The following PSTPIP1 variants were observed in gnomAD, a reference collection of about 807,000 sequenced individuals.
PSTPIP1 encodes proline-serine-threonine phosphatase interacting protein 1.
Under a neutral mutation model 69.6 loss-of-function variants are expected in PSTPIP1, and 66 were observed. The observed-to-expected ratio is 0.95, with a 90% CI of 0.78 to 1.16. The LOEUF (loss-of-function observed/expected upper bound fraction) is 1.16. Ranked by LOEUF, PSTPIP1 falls within the 50% of genes most tolerant of loss-of-function variation. PSTPIP1 has a pLI of 0.00. For synonymous variants in PSTPIP1, 266 were observed against 222.7 expected (o/e 1.19, Z -1.73); for missense variants, 603 against 557.4 (o/e 1.08, Z -0.82).
intron 3 of PSTPIP1, 73 bp from the exon 4 acceptor site, chr15:77,025,211 G>T (rs889761533): frequency 6.6e-7 from 1 of 1,509,228 alleles, no homozygotes; most frequent in East Asian, 2.3e-5. Context: ...TGCCCACCCC[G>T]CCGGGAGGCA....
chr15:77,014,930 C>T (rs72742446), intron 1 of PSTPIP1, among the ~76,000 whole-genome samples: 1,953 of 152,328 alleles, frequency 0.013, 26 homozygotes, highest in Non-Finnish European at 0.022. Context: ...AGGGCTGGGT[C>T]CCACATCTGG....
intron 10 of PSTPIP1, 73 bp downstream of exon 10, chr15:77,031,351 A>G: frequency 6.7e-7 from 1 of 1,498,134 alleles, no homozygotes; most frequent in Non-Finnish European, 9.3e-7. Flanking sequence ...GGTCCATCTG[A>G]GCCGGTCAAC....
intron 14 of PSTPIP1, among the ~76,000 whole-genome samples, chr15:77,036,515 C>T (rs2076577225): frequency 6.6e-6 from 1 of 152,140 alleles, no homozygotes; most frequent in South Asian, 2.1e-4. Context: ...CTGCTCCCTG[C>T]TTGAGGGGAA....
intron 14 of PSTPIP1, among the ~76,000 whole-genome samples, chr15:77,036,654 T>G (rs1393381076): frequency 6.7e-6 from 1 of 149,414 alleles, no homozygotes; most frequent in Non-Finnish European, 1.5e-5. Context: ...GCCAGGAGAG[T>G]GATGGGGTAC....
Position 77,037,321 on chromosome 15 carries a change from C to T in PSTPIP1, c.*145C>T, listed in dbSNP as rs965236443. The T allele has an allele frequency of 3.6e-4, 392 of 1,089,178 alleles. 1 individual carries two copies. The highest frequency in any genetic ancestry group is 6.3e-4 in the Middle Eastern group (2 of 3,172). 67.5% of individuals were successfully genotyped at this position (1,089,178 alleles called of 1,614,324 possible). ...TCGTCTCCCAGGGAATAAAGGAGTG[C>T]GTTCTGTTCTCCTTGGTGTGCTGGG... On this transcript the variant is annotated 3_prime_UTR_variant, in exon 15 of 15. Coordinates refer to ENST00000558012, the MANE Select transcript of PSTPIP1 (RefSeq NM_003978.5).
Position 77,027,313 on chromosome 15 carries a change from G to GT in PSTPIP1, c.355-539_355-538insT, listed in dbSNP as rs1478447489. Among the ~76,000 whole-genome samples the GT allele has an allele frequency of 6.6e-6, 1 of 152,174 alleles. No individual in the cohort carries two copies. The highest frequency in any genetic ancestry group is 2.4e-5 in the African/African-American group (1 of 41,436). On this transcript the variant is annotated intron_variant, in intron 5 of 14. Coordinates refer to ENST00000558012, the MANE Select transcript of PSTPIP1 (RefSeq NM_003978.5). The surrounding 1 kb of genome is among the most constrained non-coding windows in gnomAD (Gnocchi z 4.3). ...GGCTTTGGCCCCAGACCTCGGCACA[G>GT]GGGCCCAGTGGCCACTGTGCCTGCA...
intron 1 of PSTPIP1, among the ~76,000 whole-genome samples, chr15:77,005,514 A>T (rs2075797921): frequency 1.3e-5 from 2 of 152,248 alleles, no homozygotes; most frequent in South Asian, 4.1e-4. Flanking sequence ...GGTGGTAATT[A>T]TATGTAACAT....
At chr15:77,017,526 C>A (rs746771536) in intron 1 of PSTPIP1, among the ~76,000 whole-genome samples, 1 of 152,152 alleles carries the variant, frequency 6.6e-6, no homozygotes, top group African/African-American at 2.4e-5. Flanking sequence ...CCTGGATCTC[C>A]GTGAGGGGGG....
chr15:76,999,835 C>T (rs2075659977), intron 1 of PSTPIP1, among the ~76,000 whole-genome samples: 1 of 152,204 alleles, frequency 6.6e-6, no homozygotes, highest in Admixed American at 6.5e-5. Flanking sequence ...ACCTGTATGT[C>T]TATCCAATGG....
intron 3 of PSTPIP1, among the ~76,000 whole-genome samples, chr15:77,024,712 G>A (rs984009947): frequency 2.1e-5 from 3 of 145,534 alleles, no homozygotes; most frequent in Middle Eastern, 3.5e-3. Flanking sequence ...CCTCCTATGC[G>A]CAGTGCTGGG....
At chr15:77,020,466 T>C (rs938253706) in intron 3 of PSTPIP1, among the ~76,000 whole-genome samples, 3 of 152,178 alleles carry the variant, frequency 2.0e-5, no homozygotes, top group East Asian at 3.9e-4. Flanking sequence ...TTGACCCATG[T>C]GGCATGAAGT....
rs757123504 is a variant in PSTPIP1, at chr15:77,035,874, T to C, written c.1058T>C (p.Ile353Thr). The C allele has an allele frequency of 8.1e-6, 13 of 1,610,458 alleles. No homozygotes were observed. Among genetic ancestry groups the C allele is most frequent in the South Asian group, 6.6e-5 (6 of 91,016 alleles). ...GVYTAIAVQE[I>T]QGNPASPAQE... ...TACACAGCCATCGCAGTGCAGGAGA[T>C]ACAGGGAAACCCGGCCTCACCAGCC... The change falls in exon 14 of 15, where the codon ATA becomes ACA. Residue 353 changes from isoleucine (I) to threonine (T), a missense_variant. Coordinates refer to ENST00000558012, the MANE Select transcript of PSTPIP1 (RefSeq NM_003978.5).
At chr15:77,015,641 T>G (rs2076033331) in intron 1 of PSTPIP1, among the ~76,000 whole-genome samples, 1 of 152,102 alleles carries the variant, frequency 6.6e-6, no homozygotes, top group South Asian at 2.1e-4. Context: ...GGATGATTGG[T>G]TCATTCATTT....
In PSTPIP1 at chr15:76,995,344, C is replaced by T. The variant is rs1451190579; in HGVS notation, c.-230C>T. 7.0e-7 allele frequency: 1 copy of T among 1,423,382 alleles called. No individual in the cohort carries two copies. Among genetic ancestry groups the T allele is most frequent in the African/African-American group, 1.4e-5 (1 of 69,346 alleles). The allele number at this position is 1,423,382 out of a possible 1,614,324, so 88.2% of individuals were successfully genotyped here. ...CTCCCATCACTGAGCTCCACTCCTT[C>T]CTCATTTTGCTGCTGATTCTAGCCC... On this transcript the variant is annotated 5_prime_UTR_variant, in exon 1 of 15. Coordinates refer to ENST00000558012, the MANE Select transcript of PSTPIP1 (RefSeq NM_003978.5).
At chr15:76,995,809 C>G (rs990914875) in intron 1 of PSTPIP1, among the ~76,000 whole-genome samples, 200 bp downstream of exon 1, 1 of 152,228 alleles carries the variant, frequency 6.6e-6, no homozygotes, top group Non-Finnish European at 1.5e-5. Context: ...CGTGAATGAG[C>G]GTCCTCCTCT....
intron 9 of PSTPIP1, 108 bp downstream of exon 9, chr15:77,030,689 C>T: frequency 9.3e-7 from 1 of 1,073,880 alleles, no homozygotes; most frequent in Non-Finnish European, 1.3e-6. Context: ...GGGAAGGTAC[C>T]TGTTACTCAC....
At chr15:77,029,098 C>A (rs780836028) in intron 7 of PSTPIP1, among the ~76,000 whole-genome samples, 1 of 152,218 alleles carries the variant, frequency 6.6e-6, no homozygotes, top group Non-Finnish European at 1.5e-5. Flanking sequence ...GATGCTGTGG[C>A]CCCTAGGCCA....
chr15:77,020,177 C>T (rs980004717), intron 3 of PSTPIP1, among the ~76,000 whole-genome samples: 13 of 152,130 alleles, frequency 8.5e-5, no homozygotes, highest in Non-Finnish European at 8.8e-5. Flanking sequence ...GCAGGAGGTA[C>T]GCAACATCTT....
upstream of PSTPIP1, chr15:76,995,014 C>A (rs2075541452): frequency 8.4e-7 from 1 of 1,187,826 alleles, no homozygotes. Flanking sequence ...CGGGAGGGGG[C>A]AAGCAGAGGC....
Sources: gnomAD v4.1 joint callset for allele counts (sites outside exome capture counted in the v4.1 genomes callset) on GRCh38, gnomAD v4.1.1 for gene constraint, Gnocchi (gnomAD v3.1) non-coding constraint, MANE v1.5 for transcripts, NCBI Gene and HGNC (gene_info 2026-07-23, HGNC 2026-07-21) for gene names.